Variants in ANKFN1 observed in about 807,000 individuals in gnomAD.
ANKFN1 encodes ankyrin repeat and fibronectin type-III domain-containing protein 1.
In ANKFN1, 74 loss-of-function variants were observed where a neutral mutation model predicts 108.7. That is an observed-to-expected ratio of 0.68 (90% CI 0.56 to 0.83). The LOEUF (loss-of-function observed/expected upper bound fraction) is 0.83. Ranked by LOEUF, ANKFN1 falls within the 40% of genes least tolerant of loss-of-function variation. The pLI, the probability that ANKFN1 is intolerant of heterozygous loss-of-function variation, is 0.00. For missense variants in ANKFN1, 1,505 were observed against 1,382.3 expected, an observed-to-expected ratio of 1.09 and a Z score of -1.41; for synonymous variants, 547 against 516.2, an observed-to-expected ratio of 1.06 and a Z score of -0.81.
chr17:56,098,358 A>T (rs1598094558), intron 4 of ANKFN1, among the ~76,000 whole-genome samples: 2 of 152,154 alleles, frequency 1.3e-5, no homozygotes. Context: ...ATTTCATCTC[A>T]GGGAGATGTC....
chr17:56,476,716 C>T (rs952352625), intron 15 of ANKFN1, among the ~76,000 whole-genome samples: 15 of 152,156 alleles, frequency 9.9e-5, no homozygotes, highest in Non-Finnish European at 7.3e-5. Flanking sequence ...TGAATATCAA[C>T]ATTTTTTAAA....
At chr17:56,371,692 A>G (rs139082962) in intron 6 of ANKFN1, among the ~76,000 whole-genome samples, 4 of 152,268 alleles carry the variant, frequency 2.6e-5, no homozygotes, top group Non-Finnish European at 5.9e-5. Flanking sequence ...GGGGCTCTGA[A>G]GTGACCAAGT....
chr17:56,120,273 T>C (rs1906533862), intron 4 of ANKFN1, among the ~76,000 whole-genome samples: 1 of 152,188 alleles, frequency 6.6e-6, no homozygotes, highest in Non-Finnish European at 1.5e-5. Flanking sequence ...GATCTGTTTC[T>C]ACATCTCACT....
chr17:56,243,664 A>T (rs1260738347), intron 3 of ANKFN1, among the ~76,000 whole-genome samples: 1 of 152,072 alleles, frequency 6.6e-6, no homozygotes, highest in Non-Finnish European at 1.5e-5. Context: ...CTGATTCCAG[A>T]TGGAAGCCCA....
chr17:56,201,031 A>T (rs1201661768), intron 1 of ANKFN1, among the ~76,000 whole-genome samples: 2 of 152,198 alleles, frequency 1.3e-5, no homozygotes, highest in Admixed American at 1.3e-4. Context: ...CTAATGGTGG[A>T]GCCCTCACAG....
At chr17:56,272,790 A>G (rs563586872) in intron 3 of ANKFN1, among the ~76,000 whole-genome samples, 25 of 152,274 alleles carry the variant, frequency 1.6e-4, no homozygotes, top group African/African-American at 4.8e-4. Flanking sequence ...ACTCCCACCA[A>G]TGGTGCACCG....
At chr17:56,120,813 A>C (rs1403547641) in intron 4 of ANKFN1, among the ~76,000 whole-genome samples, 5 of 152,156 alleles carry the variant, frequency 3.3e-5, no homozygotes, top group Non-Finnish European at 5.9e-5. Context: ...ACTTCCTGGC[A>C]GTATGCTATT....
At chr17:56,461,571 C>G (rs1271402175) in intron 14 of ANKFN1, among the ~76,000 whole-genome samples, 1 of 152,182 alleles carries the variant, frequency 6.6e-6, no homozygotes, top group African/African-American at 2.4e-5. Context: ...AACTTTTATA[C>G]TTCCTTAAAG....
chr17:56,234,125 C>A (rs531959927), intron 3 of ANKFN1, among the ~76,000 whole-genome samples: 1 of 152,196 alleles, frequency 6.6e-6, no homozygotes, highest in African/African-American at 2.4e-5. Flanking sequence ...TAGCATTTGC[C>A]AATTTCTGTG....
At chr17:56,215,338 C>A (rs1013275390) in intron 2 of ANKFN1, among the ~76,000 whole-genome samples, 2 of 152,198 alleles carry the variant, frequency 1.3e-5, no homozygotes, top group Non-Finnish European at 2.9e-5. Context: ...ACCCAGTTTC[C>A]TCATCTGTAA....
At chr17:56,094,766 C>CA (rs1905501052) in intron 4 of ANKFN1, among the ~76,000 whole-genome samples, 1 of 149,832 alleles carries the variant, frequency 6.7e-6, no homozygotes, top group Non-Finnish European at 1.5e-5. Flanking sequence ...GTGATCCACC[C>CA]ACCTTGACCT....
chr17:56,262,241 C>T (rs908564689), intron 3 of ANKFN1, among the ~76,000 whole-genome samples: 12 of 152,212 alleles, frequency 7.9e-5, no homozygotes, highest in Admixed American at 1.3e-4. Flanking sequence ...AGGGCAGTCA[C>T]CAGCCTCTTC....
In ANKFN1 at chr17:56,457,323, A is replaced by G; in HGVS notation, c.1374A>G (p.Val458=). 1 of 1,607,830 alleles carries G rather than the reference A, an allele frequency of 6.2e-7. No individual in the cohort carries two copies. The highest frequency in any genetic ancestry group is 2.2e-5 in the East Asian group (1 of 44,808). The part of the protein sequence containing the change: ...DNILVTNEDQ[V]PIVEIDDSHT... ...TCTTAGTCACCAATGAAGATCAAGT[A>G]CCAATTGTTGAAATAGATGACTCTC... The change falls in exon 13 of 21, where the codon GTA becomes GTG. Residue 458 remains valine, a synonymous_variant. Coordinates refer to ENST00000682825, the MANE Select transcript of ANKFN1 (RefSeq NM_001370326.1).
chr17:56,229,428 A>G (rs1916533469), intron 3 of ANKFN1, among the ~76,000 whole-genome samples: 1 of 151,954 alleles, frequency 6.6e-6, no homozygotes, highest in African/African-American at 2.4e-5. Flanking sequence ...TTGCATATTC[A>G]TATTTGGTAG....
Position 56,480,688 on chromosome 17 carries a change from A to G in ANKFN1, c.1961A>G (p.Gln654Arg). 6.2e-7 allele frequency: 1 copy of G among 1,613,956 alleles called. No homozygotes were observed. The highest frequency in any genetic ancestry group is 8.5e-7 in the Non-Finnish European group (1 of 1,179,904). ...NISREEWEWIQKLSGSESMES... is the reference protein window; with the variant it reads ...NISREEWEWIRKLSGSESMES... The stretch of plus-strand genomic sequence containing the variant: ...TACAGAGAGGAATGGGAATGGATCC[A>G]AAAGCTTTCTGGCTCTGAATCTATG... Residue 654 changes from glutamine to arginine, a missense_variant, in exon 17 of 21, where the codon CAA (glutamine) becomes CGA (arginine). Physicochemically the swap from Gln to Arg is conservative, Grantham distance 43 (BLOSUM62 1). Coordinates refer to ENST00000682825, the MANE Select transcript of ANKFN1 (RefSeq NM_001370326.1).
At chr17:56,479,932 G>A (rs570793927) in intron 16 of ANKFN1, among the ~76,000 whole-genome samples, 2 of 152,346 alleles carry the variant, frequency 1.3e-5, no homozygotes, top group African/African-American at 4.8e-5. Flanking sequence ...CATTTACCTT[G>A]ATCTTTTCAA....
intron 4 of ANKFN1, among the ~76,000 whole-genome samples, chr17:56,052,028 C>G (rs550373795): frequency 7.8e-4 from 114 of 146,272 alleles, no homozygotes; most frequent in Non-Finnish European, 1.3e-3. Context: ...CCATCCCCAT[C>G]AAGCTCCCAA....
intron 4 of ANKFN1, among the ~76,000 whole-genome samples, chr17:56,111,331 C>A (rs1193502955): frequency 6.6e-6 from 1 of 152,132 alleles, no homozygotes; most frequent in Admixed American, 6.5e-5. Flanking sequence ...GCATCTTTCC[C>A]AGGCACACAT....
chr17:56,240,134 A>C (rs540481766), intron 3 of ANKFN1, among the ~76,000 whole-genome samples: 2 of 152,278 alleles, frequency 1.3e-5, no homozygotes. Flanking sequence ...ATTACTTTAA[A>C]TATAATTAAG....
Sources: gnomAD v4.1 joint callset for allele counts (sites outside exome capture counted in the v4.1 genomes callset) on GRCh38, gnomAD v4.1.1 for gene constraint, MANE v1.5 for transcripts, NCBI Gene and HGNC (gene_info 2026-07-23, HGNC 2026-07-21) for gene names.